MIGA1: variants seen among roughly 807,000 people sequenced by gnomAD.
MIGA1 encodes the protein mitoguardin 1, also known as family with sequence similarity 73, member A.
Under a neutral mutation model 82.0 loss-of-function variants are expected in MIGA1, and 58 were observed. The observed-to-expected ratio is 0.71, with a 90% CI of 0.57 to 0.88. MIGA1 has a LOEUF of 0.88. Among genes scored for constraint, MIGA1 ranks in the 40% least tolerant of loss-of-function variants. The pLI is 0.00. For missense variants in MIGA1, 751 were observed against 749.1 expected, an observed-to-expected ratio of 1.00 and a Z score of -0.03; for synonymous variants, 249 against 253.6, an observed-to-expected ratio of 0.98 and a Z score of 0.17.
At chr1:77,814,040 C>T (rs991906179) in intron 6 of MIGA1, among the ~76,000 whole-genome samples, 173 bp downstream of exon 6, 1 of 151,792 alleles carries the variant, frequency 6.6e-6, no homozygotes, top group Non-Finnish European at 1.5e-5. Context: ...TAGGGATGCA[C>T]CACCATGCCA....
chr1:77,861,518 C>A (rs919631904), intron 12 of MIGA1, 196 bp downstream of exon 12: 67 of 493,914 alleles, frequency 1.4e-4, no homozygotes, highest in Non-Finnish European at 2.3e-4. Context: ...TTCTAAGAAG[C>A]CTTTTTTGCT....
chr1:77,787,525 A>T (rs1482870626), intron 2 of MIGA1, among the ~76,000 whole-genome samples: 1 of 151,306 alleles, frequency 6.6e-6, no homozygotes, highest in Non-Finnish European at 1.5e-5. Context: ...AGTAGCTGAG[A>T]TTACAGGCGC....
At chr1:77,791,587 A>G (rs1235271574) in intron 2 of MIGA1, among the ~76,000 whole-genome samples, 3 of 143,022 alleles carry the variant, frequency 2.1e-5, no homozygotes, top group Admixed American at 7.4e-5. Flanking sequence ...TTTTTTAAAC[A>G]GAGTCTTGCT....
chr1:77,807,159 C>T (rs1382045881), intron 5 of MIGA1, 58 bp downstream of exon 5: 2 of 1,382,314 alleles, frequency 1.4e-6, no homozygotes, highest in East Asian at 4.8e-5. Flanking sequence ...TTGTTTTGTT[C>T]TTGTTTTTTA....
chr1:77,800,295 T>C (rs1167486730), intron 2 of MIGA1, among the ~76,000 whole-genome samples: 1 of 152,312 alleles, frequency 6.6e-6, no homozygotes, highest in South Asian at 2.1e-4. Flanking sequence ...AGTGTATTCT[T>C]TCTCCACCAG....
chr1:77,853,732 C>T, intron 8 of MIGA1: 1 of 320,384 alleles, frequency 3.1e-6, no homozygotes, highest in Non-Finnish European at 6.0e-6. Flanking sequence ...AAGGAGGCAT[C>T]ATGCTTCCAG....
intron 8 of MIGA1, among the ~76,000 whole-genome samples, chr1:77,856,867 A>G (rs1365658326): frequency 6.6e-6 from 1 of 151,108 alleles, no homozygotes; most frequent in Non-Finnish European, 1.5e-5. Flanking sequence ...TTTTGTTTCA[A>G]TTTCATTTAG....
chr1:77,779,954 C>T (rs1188286912), intron 1 of MIGA1: 17 of 1,360,350 alleles, frequency 1.2e-5, no homozygotes, highest in Non-Finnish European at 1.6e-5. Context: ...AGAAGCTAAG[C>T]AGGGTCGGGC....
intron 13 of MIGA1, among the ~76,000 whole-genome samples, chr1:77,864,265 G>A (rs1203480781): frequency 1.3e-5 from 2 of 152,156 alleles, no homozygotes; most frequent in South Asian, 2.1e-4. Flanking sequence ...AGCTACTCGG[G>A]AGGCTGAGGC....
At chr1:77,850,055 A>G (rs1464037185) in intron 8 of MIGA1, among the ~76,000 whole-genome samples, 1 of 150,704 alleles carries the variant, frequency 6.6e-6, no homozygotes, top group Non-Finnish European at 1.5e-5. Flanking sequence ...AAAAAAAAGT[A>G]TGAAGGCTTG....
At chr1:77,808,842 C>A (rs182233908) in intron 5 of MIGA1, among the ~76,000 whole-genome samples, 2 of 152,316 alleles carry the variant, frequency 1.3e-5, no homozygotes, top group Admixed American at 1.3e-4. Context: ...TCTCCAGTGC[C>A]ATCACAGTGG....
Position 77,859,136 on chromosome 1 carries a change from A to G in MIGA1, c.1115+80A>G, listed in dbSNP as rs762714708. On this transcript the variant is annotated intron_variant, in intron 9 of 15. Transcript: ENST00000370791. Reference sequence around the variant, plus strand: ...ACTTACTAAAAATGTTTATGAAAATAGGAGAAAATATGTTTTTAGGTCCAA... The same window carrying G: ...ACTTACTAAAAATGTTTATGAAAATGGGAGAAAATATGTTTTTAGGTCCAA... 12 of 1,036,538 alleles carry G rather than the reference A, an allele frequency of 1.2e-5. No individual in the cohort carries two copies. The Admixed American group carries it at 2.1e-4, about 18-fold the overall frequency. 64.2% of individuals were successfully genotyped at this position (1,036,538 alleles called of 1,614,324 possible).
At chr1:77,820,320 T>C (rs2101821617) in intron 7 of MIGA1, among the ~76,000 whole-genome samples, 1 of 152,050 alleles carries the variant, frequency 6.6e-6, no homozygotes, top group South Asian at 2.1e-4. Context: ...TGCTAATGAG[T>C]TACTCTGACG....
In MIGA1 at chr1:77,791,253, A is replaced by AC. The variant is rs889767175; in HGVS notation, c.195+7902_195+7903insC. The stretch of plus-strand genomic sequence containing the variant: ...CAAGACCCTGTCTCTTAAAAAAAAA[A>AC]AAAAAAAAAAAACAAAAAACTGCTA... On this transcript the variant is annotated intron_variant, in intron 2 of 15. Coordinates refer to ENST00000370791, the MANE Select transcript of MIGA1 (RefSeq NM_198549.4). Among the ~76,000 whole-genome samples the AC allele has an allele frequency of 2.2e-4, 33 of 150,974 alleles. No homozygotes were observed. The South Asian group carries it at 3.7e-3, about 17-fold the overall frequency.
chr1:77,830,110 GT>G (rs1212390264), intron 7 of MIGA1, among the ~76,000 whole-genome samples: 1 of 152,118 alleles, frequency 6.6e-6, no homozygotes, highest in Non-Finnish European at 1.5e-5. Flanking sequence ...TCCATGTGAA[GT>G]TTAGGACAGC....
intron 7 of MIGA1, among the ~76,000 whole-genome samples, chr1:77,842,819 G>A (rs1380296947): frequency 6.6e-6 from 1 of 152,230 alleles, no homozygotes; most frequent in Admixed American, 6.5e-5. Flanking sequence ...TGGGATTACA[G>A]GTGTGAGCCA....
At chr1:77,797,900 T>G (rs1414162694) in intron 2 of MIGA1, among the ~76,000 whole-genome samples, 1 of 152,232 alleles carries the variant, frequency 6.6e-6, no homozygotes, top group Non-Finnish European at 1.5e-5. Context: ...GTGAATAGTT[T>G]TACTTCTTCC....
Position 77,873,069 on chromosome 1 carries a change from G to T in MIGA1, c.1629G>T (p.Trp543Cys), listed in dbSNP as rs201116130. The T allele has an allele frequency of 1.6e-5, 26 of 1,613,768 alleles. No homozygotes were observed. The African/African-American group carries it at 3.3e-4, about 21-fold the overall frequency. The change falls in exon 15 of 16, where the codon TGG (tryptophan) becomes TGT (cysteine). Residue 543 changes from tryptophan (W) to cysteine (C), a missense_variant. Trp to Cys is a radical substitution (Grantham distance 215, BLOSUM62 -2). Transcript: ENST00000370791. ...AACACATCAGTCCTGTCCTAGCCTG[G>T]GGCTTTTTGGGTCCTAGAAATTCTC...
chr1:77,841,177 A>G (rs1285870698), intron 7 of MIGA1, among the ~76,000 whole-genome samples: 3 of 152,130 alleles, frequency 2.0e-5, no homozygotes, highest in African/African-American at 7.2e-5. Flanking sequence ...ATTTAACCTC[A>G]GATTTTATCC....
Sources: allele counts gnomAD v4.1 joint callset (sites outside exome capture counted in the v4.1 genomes callset), GRCh38; gene constraint gnomAD v4.1.1; transcripts MANE v1.5; gene names NCBI Gene and HGNC (gene_info 2026-07-23, HGNC 2026-07-21).